The following RPS6KA2 variants were observed in gnomAD, a reference collection of about 807,000 sequenced individuals.
The protein encoded by RPS6KA2 is ribosomal protein S6 kinase A2, also known as ribosomal protein S6 kinase alpha-2.
A neutral mutation model predicts 91.8 loss-of-function variants in RPS6KA2; 42 were observed. That is an observed-to-expected ratio of 0.46 (90% CI 0.36 to 0.59). The LOEUF is 0.59. Among genes scored for constraint, RPS6KA2 ranks in the 20% least tolerant of loss-of-function variants. The pLI is 0.00. For synonymous variants in RPS6KA2, 414 were observed against 393.6 expected (o/e 1.05, Z -0.61); for missense variants, 798 against 978.5 (o/e 0.82, Z 2.46).
intron 2 of RPS6KA2, among the ~76,000 whole-genome samples, chr6:166,687,239 C>A (rs1789051713): frequency 6.6e-6 from 1 of 152,234 alleles, no homozygotes; most frequent in African/African-American, 2.4e-5. Context: ...GGTGCGATAC[C>A]TGCCTCGCTT....
At chr6:166,835,893 G>A (rs1780305584) in intron 2 of RPS6KA2, among the ~76,000 whole-genome samples, 1 of 152,158 alleles carries the variant, frequency 6.6e-6, no homozygotes, top group Non-Finnish European at 1.5e-5. Flanking sequence ...TATTGAGGAT[G>A]TTTCTTTTTT....
At chr6:166,780,917 C>T (rs1017702923) in intron 2 of RPS6KA2, among the ~76,000 whole-genome samples, 1 of 152,196 alleles carries the variant, frequency 6.6e-6, no homozygotes, top group Non-Finnish European at 1.5e-5. Context: ...TGGACTAATG[C>T]AGAGCCACGC....
intron 1 of RPS6KA2, among the ~76,000 whole-genome samples, chr6:166,591,808 T>C (rs1261026502): frequency 2.6e-5 from 4 of 152,192 alleles, no homozygotes; most frequent in Non-Finnish European, 5.9e-5. Flanking sequence ...ATTTAGTTTT[T>C]ACTAAAATCT....
intron 8 of RPS6KA2, among the ~76,000 whole-genome samples, chr6:166,497,415 G>A (rs987579485): frequency 2.6e-5 from 4 of 152,234 alleles, no homozygotes; most frequent in Non-Finnish European, 5.9e-5. Flanking sequence ...CAAACGTGAT[G>A]TGGGCATCTC....
rs533278280 is a variant in RPS6KA2, at chr6:166,681,607, C to G, written c.124-142823G>C. ...TCTGTGCCCCGAAGGGAAAACTGTT[C>G]CTGGTGATTCCCGTGTCCCAGTTCC... On this transcript the variant is annotated intron_variant, in intron 2 of 21. Coordinates refer to the RPS6KA2 transcript ENST00000503859. Among the ~76,000 whole-genome samples the G allele has an allele frequency of 9.9e-5, 15 of 151,678 alleles. No individual in the cohort carries two copies. The South Asian group carries it at 3.1e-3, about 31-fold the overall frequency.
chr6:166,665,981 A>T lies in RPS6KA2; in HGVS notation c.124-127197T>A, dbSNP rs1305832390. On this transcript the variant is annotated intron_variant, in intron 2 of 21. Coordinates refer to the RPS6KA2 transcript ENST00000503859. The surrounding 1 kb of genome is among the most constrained non-coding windows in gnomAD (Gnocchi z 4.5). ...TGATGATGAACCCAATCATGTATAT[A>T]TAGCTTAAATCAAGTGGAAAAGCCC... is the stretch of plus-strand genomic sequence containing the variant. 6.6e-6 allele frequency among the ~76,000 whole-genome samples: 1 copy of T among 152,194 alleles called. No homozygotes were observed. Among genetic ancestry groups the T allele is most frequent in the Admixed American group, 6.5e-5 (1 of 15,278 alleles).
intron 1 of RPS6KA2, among the ~76,000 whole-genome samples, chr6:166,572,309 C>T (rs1157387836): frequency 2.0e-5 from 3 of 152,174 alleles, no homozygotes; most frequent in East Asian, 3.8e-4. Context: ...AAGAATGAAA[C>T]GATTTCAAAC....
chr6:166,422,927 A>T (rs1220518366), intron 17 of RPS6KA2, among the ~76,000 whole-genome samples: 2 of 152,204 alleles, frequency 1.3e-5, no homozygotes, highest in Non-Finnish European at 2.9e-5. Context: ...TCCTGGTTGT[A>T]TAAGGAGACT....
At position 166,564,894 on chromosome 6, in the gene RPS6KA2, C is replaced by T. The variant is rs546484175; in HGVS notation, c.100-26110G>A. ...TTCAAGGGCCCTGTGCTTCAGGGAG[C>T]GGGCAGGAGCTTTAGGACATGTGAT... On this transcript the variant is annotated intron_variant, in intron 1 of 20. Coordinates refer to ENST00000265678, the MANE Select transcript of RPS6KA2 (RefSeq NM_021135.6). 3.3e-5 allele frequency among the ~76,000 whole-genome samples: 5 copies of T among 152,280 alleles called. No homozygotes were observed. In the East Asian group the frequency reaches 7.7e-4, roughly 24 times the overall value.
chr6:166,443,249 G>A (rs1779574864), intron 14 of RPS6KA2, among the ~76,000 whole-genome samples: 1 of 152,148 alleles, frequency 6.6e-6, no homozygotes, highest in African/African-American at 2.4e-5. Flanking sequence ...TCACAAGATG[G>A]ATCGTCTGTC....
chr6:166,827,714 AT>A (rs1297382333), intron 2 of RPS6KA2, among the ~76,000 whole-genome samples: 2 of 152,232 alleles, frequency 1.3e-5, no homozygotes, highest in Admixed American at 6.5e-5. Flanking sequence ...TGGGAAGTGA[AT>A]TAGACTGTCT....
In RPS6KA2 at chr6:166,534,512, C is replaced by T. The variant is rs183667611; in HGVS notation, c.217-3199G>A. Among the ~76,000 whole-genome samples the T allele has an allele frequency of 5.9e-5, 9 of 152,296 alleles. 1 individual carries two copies. The highest frequency in any genetic ancestry group is 1.2e-4 in the African/African-American group (5 of 41,568). On this transcript the variant is annotated intron_variant, in intron 2 of 20. Transcript: ENST00000265678. ...CTCAACCCCTAACCCATAAGAAGTA[C>T]GACCGTATAAACTCAAAGAGCAGAG...
intron 11 of RPS6KA2, among the ~76,000 whole-genome samples, 166 bp downstream of exon 11, chr6:166,469,675 G>C (rs772988478): frequency 6.6e-6 from 1 of 152,160 alleles, no homozygotes; most frequent in Non-Finnish European, 1.5e-5. Context: ...TTGCCAGCCC[G>C]CTCAGCAGGG....
rs1353153398 is a variant in RPS6KA2 at position 166,666,042 on chromosome 6, T to C, written c.124-127258A>G. Among the ~76,000 whole-genome samples the C allele has an allele frequency of 2.0e-5, 3 of 152,212 alleles. No individual in the cohort carries two copies. The highest frequency in any genetic ancestry group is 2.0e-4 in the Admixed American group (3 of 15,286). On this transcript the variant is annotated intron_variant, in intron 2 of 21. Coordinates refer to the RPS6KA2 transcript ENST00000503859. This position sits in a 1 kb window ranked among gnomAD's most constrained non-coding sequence, Gnocchi z 4.0. ...AGGCTGCGATCTGAAGGAGCAGAGA[T>C]TAGCAATCTAGAAATAGAAAAGTTA...
chr6:166,449,794 GCCACCACGGGGA>G (rs920136321), intron 13 of RPS6KA2, among the ~76,000 whole-genome samples: 1 of 113,382 alleles, frequency 8.8e-6, no homozygotes, highest in Admixed American at 9.6e-5. Context: ...CACCATGGGA[GCCACCACGGGGA>G]CCACCATGGG....
At chr6:166,415,466 A>G (rs997368397) in intron 19 of RPS6KA2, among the ~76,000 whole-genome samples, 18 of 152,224 alleles carry the variant, frequency 1.2e-4, no homozygotes, top group African/African-American at 3.9e-4. Flanking sequence ...AGGAAGAGGC[A>G]CAGGGGAAAG....
rs374386464 is a variant in RPS6KA2, at chr6:166,478,975, G to T, written c.908-9070C>A. 9.1e-4 allele frequency among the ~76,000 whole-genome samples: 138 copies of T among 152,278 alleles called. 1 individual carries two copies. The South Asian group carries it at 0.028, about 31-fold the overall frequency. ...CGGCCAGGAAGGGGTGCGTGGCGTGGGTCTGAGCACCTGGCTCTCGCTTCA... is the reference window on the plus strand; with the variant it reads ...CGGCCAGGAAGGGGTGCGTGGCGTGTGTCTGAGCACCTGGCTCTCGCTTCA... On this transcript the variant is annotated intron_variant, in intron 10 of 20. Transcript: ENST00000265678.
intron 2 of RPS6KA2, among the ~76,000 whole-genome samples, chr6:166,830,837 T>G (rs1780166285): frequency 1.3e-5 from 2 of 152,204 alleles, no homozygotes; most frequent in African/African-American, 4.8e-5. Context: ...GTCCTGGCAC[T>G]GTGTTGATTT....
intron 2 of RPS6KA2, among the ~76,000 whole-genome samples, chr6:166,803,497 C>T (rs1469691989): frequency 6.6e-6 from 1 of 152,204 alleles, no homozygotes; most frequent in African/African-American, 2.4e-5. Context: ...TTATGAGGCC[C>T]AAACCAAGAG....
Sources: gnomAD v4.1 joint callset for allele counts (sites outside exome capture counted in the v4.1 genomes callset) on GRCh38, gnomAD v4.1.1 for gene constraint, Gnocchi (gnomAD v3.1) non-coding constraint, MANE v1.5 for transcripts, NCBI Gene and HGNC (gene_info 2026-07-23, HGNC 2026-07-21) for gene names.